The following KLHL18 variants were observed in gnomAD, a reference collection of about 807,000 sequenced individuals.
KLHL18 encodes the protein kelch-like protein 18.
Under a neutral mutation model 58.5 loss-of-function variants are expected in KLHL18, and 38 were observed. That is an observed-to-expected ratio of 0.65 (90% CI 0.50 to 0.85). KLHL18 has a LOEUF of 0.85. KLHL18 is among the 40% of genes least tolerant of loss of function. KLHL18 has a pLI of 0.00. For synonymous variants in KLHL18, 303 were observed against 301.9 expected (o/e 1.00, Z -0.04); for missense variants, 624 against 778.4 (o/e 0.80, Z 2.36).
chr3:47,324,298 C>CTTTTTTTTTT (rs769288621), intron 3 of KLHL18, among the ~76,000 whole-genome samples: 1,506 of 37,418 alleles, frequency 0.04, 611 homozygotes, highest in Non-Finnish European at 0.054. Context: ...TTCTTTCTTT[C>CTTTTTTTTTT]TTTTTTTTTT....
At chr3:47,316,578 TATATATAC>T (rs1324395127) in intron 1 of KLHL18, among the ~76,000 whole-genome samples, 5 of 74,554 alleles carry the variant, frequency 6.7e-5, no homozygotes, top group Admixed American at 1.5e-4. Context: ...TATGTGTGTA[TATATATAC>T]ATATATACGT....
Position 47,298,283 on chromosome 3 carries a change from A to G in KLHL18, c.129+15189A>G, listed in dbSNP as rs183000743. Among the ~76,000 whole-genome samples the G allele has an allele frequency of 7.0e-3, 1,009 of 144,866 alleles. 9 individuals carry two copies. The highest frequency in any genetic ancestry group is 0.011 in the Non-Finnish European group (727 of 66,648). ...CTTGGGAGGATCACTTAAGCCCAGGAGTTAGAGGCTGCGGTGAGCTATGAT... is the reference window on the plus strand; with the variant it reads ...CTTGGGAGGATCACTTAAGCCCAGGGGTTAGAGGCTGCGGTGAGCTATGAT... On this transcript the variant is annotated intron_variant, in intron 1 of 9. Transcript: ENST00000232766.
In KLHL18 at chr3:47,343,823, C is replaced by G; in HGVS notation, c.1607C>G (p.Ser536Ter). ...GCTGTTGGGGGCTACGACGGACAGT[C>G]AAACCTAAGCTCAGTGGAGATGTAT... ...LYAVGGYDGQ[S>*]NLSSVEMYDP... The change falls in exon 10 of 10, where the codon TCA becomes TGA. Residue 536 changes from serine (S) to a stop codon, truncating the protein, a stop_gained. Transcript: ENST00000232766. LOFTEE classifies it high-confidence loss of function. 6.2e-7 allele frequency: 1 copy of G among 1,614,222 alleles called. No individual in the cohort carries two copies. The highest frequency in any genetic ancestry group is 8.5e-7 in the Non-Finnish European group (1 of 1,180,034).
rs1159372262 is a variant in KLHL18 at position 47,308,774 on chromosome 3, C to CT, written c.130-10865dup. On this transcript the variant is annotated intron_variant, in intron 1 of 9. Transcript: ENST00000232766. ...CGTCCTCAGTGTCTATTGTTGCCAT[C>CT]TTTTTTTTTTTTTTAATTGATCATT... Among the ~76,000 whole-genome samples, 1,320 of 144,706 alleles carry CT rather than the reference C, an allele frequency of 9.1e-3. 9 individuals are homozygous for CT. Among genetic ancestry groups the CT allele is most frequent in the Middle Eastern group, 0.03 (8 of 270 alleles). 94.9% of individuals were successfully genotyped at this position (144,706 alleles called of 152,430 possible).
intron 1 of KLHL18, chr3:47,287,561 C>G (rs1251558210): frequency 6.6e-6 from 1 of 152,436 alleles, no homozygotes; most frequent in African/African-American, 2.4e-5. Context: ...TCTTGGCTCA[C>G]TGCAACCTCC....
chr3:47,341,646 A>G (rs185737986), intron 8 of KLHL18, among the ~76,000 whole-genome samples: 48 of 152,330 alleles, frequency 3.2e-4, no homozygotes, highest in Non-Finnish European at 6.5e-4. Flanking sequence ...ACTGTAATCG[A>G]GAACAGCAAT....
intron 1 of KLHL18, among the ~76,000 whole-genome samples, chr3:47,311,040 C>T (rs539429874): frequency 1.9e-4 from 28 of 151,166 alleles, no homozygotes; most frequent in Admixed American, 1.8e-3. Flanking sequence ...TCTGGAGTCT[C>T]GCTCTGTCGC....
In KLHL18 at chr3:47,330,011, G is replaced by A. The variant is rs1242460940; in HGVS notation, c.462G>A (p.Val154=). ...TTGCTGAGACAATGATGTGTGCTGT[G>A]CTGTACGACGCTGCCAACAGCTTCA... The part of the protein sequence containing the change: ...RQFAETMMCA[V]LYDAANSFIH... The change falls in exon 4 of 10, where the codon GTG becomes GTA. Residue 154 remains valine, a synonymous_variant. Coordinates refer to ENST00000232766, the MANE Select transcript of KLHL18 (RefSeq NM_025010.5). 3 of 1,614,078 alleles carry A rather than the reference G, an allele frequency of 1.9e-6. No individual in the cohort carries two copies. The highest frequency in any genetic ancestry group is 2.2e-5 in the East Asian group (1 of 44,882).
In KLHL18 at chr3:47,327,420, C is replaced by T. The variant is rs17079584; in HGVS notation, c.402-2531C>T. On this transcript the variant is annotated intron_variant, in intron 3 of 9. Transcript: ENST00000232766. ...CTTGGACTTGATCCAGCTTCTGCCC[C>T]GTGGCATTTTGAATCCTCCTCTCAG... is the stretch of plus-strand genomic sequence containing the variant. Among the ~76,000 whole-genome samples the T allele has an allele frequency of 6.3e-3, 964 of 152,282 alleles. 30 individuals carry two copies. Among genetic ancestry groups the T allele is most frequent in the East Asian group, 0.057 (297 of 5,182 alleles).
Position 47,319,794 on chromosome 3 carries a change from C to A in KLHL18, c.260+11C>A. The A allele has an allele frequency of 6.2e-7, 1 of 1,612,444 alleles. No individual in the cohort carries two copies. Among genetic ancestry groups the A allele is most frequent in the South Asian group, 1.1e-5 (1 of 90,954 alleles). On this transcript the variant is annotated intron_variant, in intron 2 of 9. Coordinates refer to ENST00000232766, the MANE Select transcript of KLHL18 (RefSeq NM_025010.5). ...AGGAATGGACCCAAGGTACTGAATCCCACCATTAGGTTTCGCAGGCTGCTT... is the reference window on the plus strand; with the variant it reads ...AGGAATGGACCCAAGGTACTGAATCACACCATTAGGTTTCGCAGGCTGCTT...
intron 4 of KLHL18, among the ~76,000 whole-genome samples, chr3:47,331,476 AG>A (rs1211887040): frequency 8.6e-6 from 1 of 116,020 alleles, no homozygotes; most frequent in Non-Finnish European, 1.6e-5. Context: ...TCTGTCACCC[AG>A]GCTGGAGTGC....
chr3:47,343,999 C>T lies in KLHL18; in HGVS notation c.*58C>T. The T allele has an allele frequency of 6.3e-7, 1 of 1,579,598 alleles. No individual in the cohort carries two copies. The highest frequency in any genetic ancestry group is 8.5e-7 in the Non-Finnish European group (1 of 1,169,848). On this transcript the variant is annotated 3_prime_UTR_variant, in exon 10 of 10. Coordinates refer to ENST00000232766, the MANE Select transcript of KLHL18 (RefSeq NM_025010.5). ...TGGTACAGACATAGGCGCTTCCTTC[C>T]AGGAACAGTCCCTCAGGAGAGGCAG...
intron 1 of KLHL18, among the ~76,000 whole-genome samples, chr3:47,284,968 G>GCCA (rs1002028267): frequency 6.6e-6 from 1 of 151,972 alleles, no homozygotes; most frequent in Non-Finnish European, 1.5e-5. Context: ...ACAGGCGCCC[G>GCCA]CCACCACGCC....
chr3:47,291,711 T>G (rs1293619820), intron 1 of KLHL18, among the ~76,000 whole-genome samples: 1 of 152,226 alleles, frequency 6.6e-6, no homozygotes, highest in African/African-American at 2.4e-5. Flanking sequence ...TTATTATTTA[T>G]TGCTCTAGCA....
intron 1 of KLHL18, among the ~76,000 whole-genome samples, chr3:47,304,989 A>C (rs1379629626): frequency 6.6e-6 from 1 of 151,446 alleles, no homozygotes; most frequent in Non-Finnish European, 1.5e-5. Context: ...GGATCACTGC[A>C]CTCTTAACTT....
chr3:47,342,382 C>T (rs1479687177), intron 8 of KLHL18, among the ~76,000 whole-genome samples: 1 of 152,202 alleles, frequency 6.6e-6, no homozygotes, highest in East Asian at 1.9e-4. Context: ...GAGAAGCAGC[C>T]AGAATAGCAC....
Position 47,344,073 on chromosome 3 carries a change from TC to T in KLHL18, c.*134del. 2.5e-6 allele frequency: 3 copies of T among 1,212,852 alleles called. No individual in the cohort carries two copies. The highest frequency in any genetic ancestry group is 3.4e-6 in the Non-Finnish European group (3 of 885,872). 75.1% of individuals were successfully genotyped at this position (1,212,852 alleles called of 1,614,324 possible). On this transcript the variant is annotated 3_prime_UTR_variant, in exon 10 of 10. Coordinates refer to ENST00000232766, the MANE Select transcript of KLHL18 (RefSeq NM_025010.5). Reference sequence around the variant, plus strand: ...GTGAGCTCGCCGGAGGTACAGTTTTTCCAGGTGCTTAAGCCCTCCCCCACTG... The same window carrying T: ...GTGAGCTCGCCGGAGGTACAGTTTTTCAGGTGCTTAAGCCCTCCCCCACTG...
At chr3:47,308,983 T>A (rs1703217923) in intron 1 of KLHL18, among the ~76,000 whole-genome samples, 1 of 152,184 alleles carries the variant, frequency 6.6e-6, no homozygotes, top group Non-Finnish European at 1.5e-5. Context: ...TTAAGGAGCA[T>A]GCTGCCTTCA....
intron 4 of KLHL18, among the ~76,000 whole-genome samples, chr3:47,330,976 C>T (rs1703844633): frequency 6.6e-6 from 1 of 150,818 alleles, no homozygotes; most frequent in Non-Finnish European, 1.5e-5. Flanking sequence ...AAGTGACCCG[C>T]CCATCTTGGC....
Sources: allele counts gnomAD v4.1 joint callset (sites outside exome capture counted in the v4.1 genomes callset), GRCh38; gene constraint gnomAD v4.1.1; transcripts MANE v1.5; gene names NCBI Gene and HGNC (gene_info 2026-07-23, HGNC 2026-07-21).